TSHZ3: variants seen among roughly 807,000 people sequenced by gnomAD.
TSHZ3 encodes teashirt homolog 3.
A neutral mutation model predicts 64.5 loss-of-function variants in TSHZ3; 10 were observed. The observed-to-expected ratio is 0.16, with a 90% CI of 0.10 to 0.26. The LOEUF is 0.26. TSHZ3 is among the 10% of genes least tolerant of loss of function. TSHZ3 has a pLI of 1.00. For missense variants in TSHZ3, 1,242 were observed against 1,421.7 expected, an observed-to-expected ratio of 0.87 and a Z score of 2.03; for synonymous variants, 608 against 593.1, an observed-to-expected ratio of 1.03 and a Z score of -0.36.
At chr19:31,304,859 C>T (rs1277898052) in intron 1 of TSHZ3, among the ~76,000 whole-genome samples, 1 of 152,190 alleles carries the variant, frequency 6.6e-6, no homozygotes, top group Non-Finnish European at 1.5e-5. Context: ...AACTGGAGCG[C>T]GATTCCCCGC....
chr19:31,230,893 G>A (rs545596569), intron 3 of TSHZ3, among the ~76,000 whole-genome samples: 6 of 151,172 alleles, frequency 4.0e-5, no homozygotes, highest in East Asian at 3.9e-4. Flanking sequence ...TAGTAGAGAC[G>A]GGGTTTCACC....
At chr19:31,151,451 C>G (rs1029093749) in exon 7 of TSHZ3, among the ~76,000 whole-genome samples, 1 of 152,182 alleles carries the variant, frequency 6.6e-6, no homozygotes, top group Admixed American at 6.5e-5. Context: ...CCCCTTTCTT[C>G]TGACCTAGCC....
At chr19:31,348,874 C>A in intron 1 of TSHZ3, 1 of 341,074 alleles carries the variant, frequency 2.9e-6, no homozygotes, top group Non-Finnish European at 5.3e-6. Flanking sequence ...AAGAGCCAGG[C>A]CGGGGTTGCT....
At chr19:31,163,941 A>G (rs1201292439) in intron 5 of TSHZ3, among the ~76,000 whole-genome samples, 1 of 152,194 alleles carries the variant, frequency 6.6e-6, no homozygotes. Context: ...CAAGATCCTA[A>G]GAAGTAAGTG....
intron 1 of TSHZ3, among the ~76,000 whole-genome samples, chr19:31,308,861 G>T (rs532311008): frequency 6.6e-6 from 1 of 152,344 alleles, no homozygotes; most frequent in Non-Finnish European, 1.5e-5. Context: ...CCCAAACAGA[G>T]GAAAGGACTG....
At chr19:31,255,849 CT>C (rs1198412351) in intron 1 of TSHZ3, among the ~76,000 whole-genome samples, 2 of 152,168 alleles carry the variant, frequency 1.3e-5, no homozygotes, top group African/African-American at 4.8e-5. Context: ...AGTGCCAATC[CT>C]GTTCAAGTGT....
chr19:31,251,578 T>C (rs1159546729), intron 1 of TSHZ3, among the ~76,000 whole-genome samples: 1 of 152,148 alleles, frequency 6.6e-6, no homozygotes, highest in Non-Finnish European at 1.5e-5. Flanking sequence ...GTCTTTCTAA[T>C]TCTGAAGGTG....
intron 4 of TSHZ3, among the ~76,000 whole-genome samples, chr19:31,212,389 C>T (rs557337729): frequency 5.5e-4 from 83 of 152,080 alleles, no homozygotes; most frequent in African/African-American, 1.6e-3. Flanking sequence ...ACCTGGAAGT[C>T]GGAGGTTGCA....
Position 31,277,982 on chromosome 19 carries a change from T to C in TSHZ3, c.1811A>G (p.Lys604Arg). Residue 604 changes from lysine (K) to arginine (R), a missense_variant, in exon 2 of 2, where the codon AAG becomes AGG. Transcript: ENST00000240587. The surrounding 1 kb of genome is among the most constrained non-coding windows in gnomAD (Gnocchi z 4.5). ...CTCCTCCATGGCATGAAAGTTTGTC[T>C]TGGGCATGGGGGACGTCTGGCTGCT... ...PPSSQTSPMPKTNFHAMEELV... is the reference protein window; with the variant it reads ...PPSSQTSPMPRTNFHAMEELV... 1.2e-6 allele frequency: 2 copies of C among 1,614,198 alleles called. No individual in the cohort carries two copies. The highest frequency in any genetic ancestry group is 2.2e-5 in the South Asian group (2 of 91,074).
chr19:31,252,570 T>G (rs1265238500), intron 1 of TSHZ3, among the ~76,000 whole-genome samples: 4 of 152,206 alleles, frequency 2.6e-5, no homozygotes, highest in Admixed American at 6.5e-5. Context: ...GACAGTGAGT[T>G]CTCAGAAGAT....
At chr19:31,205,671 G>T (rs773710328) in intron 4 of TSHZ3, among the ~76,000 whole-genome samples, 12 of 152,210 alleles carry the variant, frequency 7.9e-5, no homozygotes, top group Non-Finnish European at 1.6e-4. Context: ...TCCAAAGAGA[G>T]GAATGACTGC....
chr19:31,170,700 A>T (rs1974524359), intron 5 of TSHZ3, among the ~76,000 whole-genome samples: 2 of 152,252 alleles, frequency 1.3e-5, no homozygotes. Flanking sequence ...TGATTTTGAA[A>T]AGATGTTTCC....
chr19:31,195,964 C>G (rs540541649), intron 5 of TSHZ3, among the ~76,000 whole-genome samples: 107 of 152,074 alleles, frequency 7.0e-4, no homozygotes, highest in Admixed American at 1.4e-3. Flanking sequence ...GTATAGCCTA[C>G]TGTACACCTA....
At position 31,277,432 on chromosome 19, in the gene TSHZ3, G is replaced by A. The variant is rs749386530; in HGVS notation, c.2361C>T (p.Asp787=). The A allele has an allele frequency of 3.7e-6, 6 of 1,613,950 alleles. No individual in the cohort carries two copies. Among genetic ancestry groups the A allele is most frequent in the East Asian group, 2.2e-5 (1 of 44,860 alleles). Residue 787 remains aspartate (D), a synonymous_variant, in exon 2 of 2, where the codon GAC becomes GAT. Coordinates refer to ENST00000240587, the MANE Select transcript of TSHZ3 (RefSeq NM_020856.4). The surrounding 1 kb of genome is among the most constrained non-coding windows in gnomAD (Gnocchi z 4.5). ...LDRYFYHVNN[D]QPIDLTKGKS... is the part of the protein sequence containing the mutation. ...TCCCTTTTGTCAAGTCTATGGGCTGGTCGTTGTTGACGTGGTAGAAATAGC... is the reference window on the plus strand; with the variant it reads ...TCCCTTTTGTCAAGTCTATGGGCTGATCGTTGTTGACGTGGTAGAAATAGC...
chr19:31,233,802 C>T (rs1303011571), intron 3 of TSHZ3, among the ~76,000 whole-genome samples: 1 of 152,094 alleles, frequency 6.6e-6, no homozygotes, highest in Non-Finnish European at 1.5e-5. Context: ...TCTACACAGA[C>T]ACCTAGTTCT....
intron 1 of TSHZ3, among the ~76,000 whole-genome samples, chr19:31,309,604 C>A (rs371302183): frequency 1.2e-4 from 19 of 152,266 alleles, no homozygotes; most frequent in African/African-American, 4.3e-4. Context: ...TGGAAACAGG[C>A]CCCGAACTAA....
At chr19:31,309,870 C>G (rs1916407053) in intron 1 of TSHZ3, among the ~76,000 whole-genome samples, 1 of 152,088 alleles carries the variant, frequency 6.6e-6, no homozygotes, top group Non-Finnish European at 1.5e-5. Context: ...CATCATGGTA[C>G]CCACGTCAGA....
At chr19:31,334,817 C>A (rs546269810) in intron 1 of TSHZ3, among the ~76,000 whole-genome samples, 1 of 152,276 alleles carries the variant, frequency 6.6e-6, no homozygotes, top group East Asian at 1.9e-4. Context: ...TTATGCCTGG[C>A]TCCCATGTCA....
chr19:31,198,216 G>A (rs1295914282), intron 5 of TSHZ3, among the ~76,000 whole-genome samples: 1 of 152,068 alleles, frequency 6.6e-6, no homozygotes, highest in Non-Finnish European at 1.5e-5. Context: ...CATATCAATA[G>A]ATGCATACAA....
Sources: gnomAD v4.1 joint callset for allele counts (sites outside exome capture counted in the v4.1 genomes callset) on GRCh38, gnomAD v4.1.1 for gene constraint, Gnocchi (gnomAD v3.1) non-coding constraint, MANE v1.5 for transcripts, NCBI Gene and HGNC (gene_info 2026-07-23, HGNC 2026-07-21) for gene names.